The following EYA4 variants were observed in gnomAD, a reference collection of about 807,000 sequenced individuals.
The protein encoded by EYA4 is EYA transcriptional coactivator and phosphatase 4.
EYA4 carries 31 observed loss-of-function variants against 87.9 expected under a neutral mutation model. That is an observed-to-expected ratio of 0.35 (90% CI 0.27 to 0.48). The LOEUF is 0.48. Ranked by LOEUF, EYA4 falls within the 20% of genes least tolerant of loss-of-function variation. EYA4 has a pLI of 0.99. For missense variants in EYA4, 678 were observed against 761.4 expected (o/e 0.89, Z 1.29); for synonymous variants, 263 against 270.6 (o/e 0.97, Z 0.28).
At chr6:133,331,027 GTTTTTTTT>G (rs71636692) in intron 2 of EYA4, among the ~76,000 whole-genome samples, 1 of 113,702 alleles carries the variant, frequency 8.8e-6, no homozygotes, top group Non-Finnish European at 1.7e-5. Flanking sequence ...AACCAAACGG[GTTTTTTTT>G]TTTTTTTTTT....
chr6:133,481,461 A>G lies in EYA4; in HGVS notation c.971-2A>G, dbSNP rs1562470903. ...TCTTGACCTAAGTCATGTTATCTAT[A>G]GGAGAGTTCGATACCATGCAGAGTC... On this transcript the variant is annotated splice_acceptor_variant, in intron 11 of 19. Coordinates refer to ENST00000355286, the MANE Select transcript of EYA4 (RefSeq NM_004100.5). LOFTEE classifies it high-confidence loss of function. The G allele has an allele frequency of 6.2e-7, 1 of 1,613,492 alleles. No individual in the cohort carries two copies. Among genetic ancestry groups the G allele is most frequent in the Non-Finnish European group, 8.5e-7 (1 of 1,179,472 alleles).
At chr6:133,366,426 C>T (rs916543865) in intron 2 of EYA4, among the ~76,000 whole-genome samples, 1 of 152,120 alleles carries the variant, frequency 6.6e-6, no homozygotes, top group African/African-American at 2.4e-5. Context: ...TGGGAACCTA[C>T]ACTATATAGA....
intron 2 of EYA4, among the ~76,000 whole-genome samples, chr6:133,357,219 C>T (rs1189073018): frequency 2.2e-5 from 3 of 135,900 alleles, no homozygotes; most frequent in East Asian, 2.1e-4. Flanking sequence ...TGCAGTGAGC[C>T]GAGATCCCGC....
At chr6:133,328,939 A>G (rs1781711286) in intron 2 of EYA4, among the ~76,000 whole-genome samples, 1 of 152,096 alleles carries the variant, frequency 6.6e-6, no homozygotes, top group African/African-American at 2.4e-5. Flanking sequence ...CATTTCAACA[A>G]ATAGAGGGCC....
intron 2 of EYA4, among the ~76,000 whole-genome samples, chr6:133,299,257 C>CA (rs1347345449): frequency 6.6e-6 from 1 of 151,974 alleles, no homozygotes; most frequent in Non-Finnish European, 1.5e-5. Flanking sequence ...TTAATGCAGA[C>CA]AAAAATCTTT....
chr6:133,294,913 T>C (rs540106143), intron 2 of EYA4, among the ~76,000 whole-genome samples: 2 of 152,234 alleles, frequency 1.3e-5, no homozygotes, highest in East Asian at 3.9e-4. Flanking sequence ...GATGTCAACG[T>C]TGCATTTGTT....
chr6:133,408,249 G>T (rs772933641), intron 3 of EYA4, among the ~76,000 whole-genome samples: 3 of 152,118 alleles, frequency 2.0e-5, no homozygotes, highest in Non-Finnish European at 4.4e-5. Context: ...TCAGTGAAAA[G>T]CTAGGAAGAT....
At chr6:133,465,217 G>T (rs1361062211) in intron 10 of EYA4, among the ~76,000 whole-genome samples, 1 of 152,132 alleles carries the variant, frequency 6.6e-6, no homozygotes, top group Non-Finnish European at 1.5e-5. Context: ...TTAATTGGTT[G>T]AATCAATATT....
At chr6:133,368,242 A>G (rs562446652) in intron 2 of EYA4, among the ~76,000 whole-genome samples, 2 of 152,306 alleles carry the variant, frequency 1.3e-5, no homozygotes, top group South Asian at 2.1e-4. Context: ...TTTCACGTTT[A>G]TATTTATAAA....
At chr6:133,318,477 G>C (rs963785205) in intron 2 of EYA4, among the ~76,000 whole-genome samples, 1 of 152,088 alleles carries the variant, frequency 6.6e-6, no homozygotes, top group Non-Finnish European at 1.5e-5. Context: ...ATCCTAGTTC[G>C]CTTGGTGCCT....
At chr6:133,368,866 G>A (rs1261835450) in intron 2 of EYA4, among the ~76,000 whole-genome samples, 1 of 152,190 alleles carries the variant, frequency 6.6e-6, no homozygotes, top group African/African-American at 2.4e-5. Flanking sequence ...TCTGTGTGCT[G>A]TCCAAACCTG....
intron 2 of EYA4, among the ~76,000 whole-genome samples, chr6:133,286,642 C>T (rs1281058726): frequency 6.6e-6 from 1 of 152,174 alleles, no homozygotes; most frequent in African/African-American, 2.4e-5. Flanking sequence ...ACTGGATTCA[C>T]CTCTATCATA....
intron 2 of EYA4, among the ~76,000 whole-genome samples, chr6:133,341,363 A>G (rs1782761349): frequency 6.6e-6 from 1 of 152,214 alleles, no homozygotes; most frequent in Non-Finnish European, 1.5e-5. Context: ...CATTCCACTG[A>G]CATTTAGTGG....
intron 2 of EYA4, among the ~76,000 whole-genome samples, chr6:133,353,818 T>G (rs1178457844): frequency 2.0e-5 from 3 of 152,202 alleles, no homozygotes; most frequent in Admixed American, 2.0e-4. Context: ...TTGAGTAGTT[T>G]TAACTTCTAT....
intron 2 of EYA4, among the ~76,000 whole-genome samples, chr6:133,346,834 A>G (rs574092611): frequency 6.6e-6 from 1 of 152,286 alleles, no homozygotes; most frequent in South Asian, 2.1e-4. Flanking sequence ...CCAGAGTGTG[A>G]ACTTTCCATA....
intron 1 of EYA4, among the ~76,000 whole-genome samples, chr6:133,252,618 A>T (rs985511523): frequency 6.6e-6 from 1 of 152,184 alleles, no homozygotes; most frequent in Non-Finnish European, 1.5e-5. Context: ...ACAAAATGGG[A>T]ACAATAATGT....
At chr6:133,339,266 G>A (rs774839333) in intron 2 of EYA4, among the ~76,000 whole-genome samples, 2 of 152,168 alleles carry the variant, frequency 1.3e-5, no homozygotes, top group East Asian at 1.9e-4. Flanking sequence ...ATCTCTGAAG[G>A]AGACAAGTTC....
intron 1 of EYA4, among the ~76,000 whole-genome samples, chr6:133,260,347 C>T (rs1775698296): frequency 6.6e-6 from 1 of 152,154 alleles, no homozygotes; most frequent in Admixed American, 6.5e-5. Context: ...AGGCGATTCT[C>T]CTGCCTCAGC....
At chr6:133,369,956 A>G (rs377340405) in intron 2 of EYA4, among the ~76,000 whole-genome samples, 5 of 152,188 alleles carry the variant, frequency 3.3e-5, no homozygotes, top group East Asian at 3.8e-4. Context: ...TCTGACATCA[A>G]GTCATCTTAC....
Sources: gnomAD v4.1 joint callset for allele counts (sites outside exome capture counted in the v4.1 genomes callset) on GRCh38, gnomAD v4.1.1 for gene constraint, MANE v1.5 for transcripts, NCBI Gene and HGNC (gene_info 2026-07-23, HGNC 2026-07-21) for gene names.